ARL15: variants seen among roughly 807,000 people sequenced by gnomAD.
The protein encoded by ARL15 is ADP-ribosylation factor-like protein 15.
ARL15 carries 19 observed loss-of-function variants against 25.2 expected under a neutral mutation model. The observed-to-expected ratio is 0.75, with a 90% CI of 0.53 to 1.10. The LOEUF (loss-of-function observed/expected upper bound fraction) is 1.10. Among genes scored for constraint, ARL15 ranks in the 50% least tolerant of loss-of-function variants. The pLI is 0.00. For synonymous variants in ARL15, 94 were observed against 86.8 expected, an observed-to-expected ratio of 1.08 and a Z score of -0.46; for missense variants, 220 against 246.0, an observed-to-expected ratio of 0.89 and a Z score of 0.71.
chr5:54,237,458 T>C (rs796369719), intron 1 of ARL15, among the ~76,000 whole-genome samples: 11 of 152,236 alleles, frequency 7.2e-5, no homozygotes, highest in African/African-American at 2.2e-4. Flanking sequence ...ATTATCTTAA[T>C]AGAAACAGCA....
intron 1 of ARL15, among the ~76,000 whole-genome samples, chr5:54,192,293 C>T (rs1435962882): frequency 1.3e-5 from 2 of 151,162 alleles, no homozygotes; most frequent in African/African-American, 2.4e-5. Context: ...AAAATTGCAA[C>T]CTTTCCCACC....
At chr5:53,901,770 T>C (rs1446802956) in intron 4 of ARL15, among the ~76,000 whole-genome samples, 1 of 152,158 alleles carries the variant, frequency 6.6e-6, no homozygotes, top group Non-Finnish European at 1.5e-5. Flanking sequence ...GAAAAACAAC[T>C]CATGATTACC....
chr5:54,136,340 AAGG>A (rs1315540182), intron 3 of ARL15, among the ~76,000 whole-genome samples: 2 of 152,234 alleles, frequency 1.3e-5, no homozygotes, highest in East Asian at 1.9e-4. Context: ...TTCAAATTAT[AAGG>A]AGAATTCAAA....
intron 4 of ARL15, among the ~76,000 whole-genome samples, chr5:53,988,004 G>A (rs548486359): frequency 4.3e-4 from 65 of 152,110 alleles, no homozygotes; most frequent in Non-Finnish European, 7.6e-4. Context: ...TCCCGAGGCT[G>A]AGGCAGGAGA....
chr5:54,077,512 G>T (rs887186226), intron 4 of ARL15, among the ~76,000 whole-genome samples: 6 of 152,164 alleles, frequency 3.9e-5, no homozygotes, highest in Non-Finnish European at 8.8e-5. Context: ...AACAAGTGTT[G>T]AAAAGGTCTG....
At chr5:54,168,326 T>C (rs1754632525) in intron 2 of ARL15, among the ~76,000 whole-genome samples, 1 of 152,228 alleles carries the variant, frequency 6.6e-6, no homozygotes, top group South Asian at 2.1e-4. Context: ...GGATGTCTTG[T>C]CAAACCTCAA....
chr5:54,148,404 G>A (rs1337430162), intron 3 of ARL15, among the ~76,000 whole-genome samples: 2 of 152,260 alleles, frequency 1.3e-5, no homozygotes, highest in East Asian at 3.9e-4. Context: ...TTAAAAAAAT[G>A]GCTTAGCTGA....
At chr5:53,920,422 G>A (rs1405643999) in intron 4 of ARL15, among the ~76,000 whole-genome samples, 1 of 151,950 alleles carries the variant, frequency 6.6e-6, no homozygotes, top group Admixed American at 6.6e-5. Flanking sequence ...TGCTTTTATG[G>A]GTTCAGGATA....
rs151098503 is a variant in ARL15 at position 54,303,485 on chromosome 5, T to C, written c.48+6947A>G. On this transcript the variant is annotated intron_variant, in intron 1 of 4. Coordinates refer to ENST00000504924, the MANE Select transcript of ARL15 (RefSeq NM_019087.3). ...GAGATCAAGCCACTGCACTCCAGCT[T>C]GGATGACAGAGTGAGACCCTGTCAA... Among the ~76,000 whole-genome samples, 1,138 of 151,986 alleles carry C rather than the reference T, an allele frequency of 7.5e-3. 9 individuals carry two copies. The highest frequency in any genetic ancestry group is 0.026 in the African/African-American group (1,083 of 41,428).
At chr5:54,187,670 CCTATT>C (rs1208048840) in intron 1 of ARL15, among the ~76,000 whole-genome samples, 11 of 152,190 alleles carry the variant, frequency 7.2e-5, no homozygotes, top group Non-Finnish European at 1.5e-5. Flanking sequence ...ACTCAGCTCT[CCTATT>C]CTACATGTAT....
At position 53,984,494 on chromosome 5, in the gene ARL15, G is replaced by GA. The variant is rs564208583; in HGVS notation, c.463-97782dup. Among the ~76,000 whole-genome samples, 354 of 152,048 alleles carry GA rather than the reference G, an allele frequency of 2.3e-3. 2 individuals carry two copies. Among genetic ancestry groups the GA allele is most frequent in the African/African-American group, 8.3e-3 (344 of 41,464 alleles). On this transcript the variant is annotated intron_variant, in intron 4 of 4. Coordinates refer to ENST00000504924, the MANE Select transcript of ARL15 (RefSeq NM_019087.3). Reference sequence around the variant, plus strand: ...CCACGGGCTTGAGAATAATGGTAATGAAAAAAACCTCTTTTGAGGCCCCAA... The same window carrying GA: ...CCACGGGCTTGAGAATAATGGTAATGAAAAAAAACCTCTTTTGAGGCCCCAA...
At chr5:53,935,614 T>A (rs1306478255) in intron 4 of ARL15, among the ~76,000 whole-genome samples, 1 of 152,242 alleles carries the variant, frequency 6.6e-6, no homozygotes. Context: ...TTCAAGGTTT[T>A]CTGGATTCCT....
chr5:53,928,590 T>C (rs950632814), intron 4 of ARL15, among the ~76,000 whole-genome samples: 1 of 152,336 alleles, frequency 6.6e-6, no homozygotes, highest in African/African-American at 2.4e-5. Context: ...CTACAAATTA[T>C]ATTGATATCC....
At chr5:54,089,417 GA>G (rs1172640817) in intron 4 of ARL15, among the ~76,000 whole-genome samples, 5 of 151,920 alleles carry the variant, frequency 3.3e-5, no homozygotes, top group Non-Finnish European at 7.4e-5. Context: ...CTATTAATAG[GA>G]AAAAAATCAC....
intron 1 of ARL15, among the ~76,000 whole-genome samples, chr5:54,196,638 G>A (rs947406841): frequency 4.6e-5 from 7 of 151,762 alleles, no homozygotes; most frequent in Admixed American, 6.6e-5. Flanking sequence ...TTCTGTTCTC[G>A]GTGTGGGTAG....
chr5:54,178,990 T>G (rs557824223), intron 1 of ARL15, among the ~76,000 whole-genome samples: 2 of 152,292 alleles, frequency 1.3e-5, no homozygotes, highest in African/African-American at 4.8e-5. Flanking sequence ...GACTTATGGG[T>G]ATTAATTCAT....
At chr5:54,279,968 A>G (rs1331828720) in intron 1 of ARL15, among the ~76,000 whole-genome samples, 1 of 152,200 alleles carries the variant, frequency 6.6e-6, no homozygotes, top group Non-Finnish European at 1.5e-5. Context: ...TCGTGCAGAA[A>G]TTGTGTTTCT....
At chr5:54,303,704 GAGGAGGAGAGGAAAAAAAGAAGAAAA>G (rs1352689919) in intron 1 of ARL15, among the ~76,000 whole-genome samples, 7 of 141,038 alleles carry the variant, frequency 5.0e-5, no homozygotes, top group Middle Eastern at 3.6e-3. Context: ...AAAGAAGAAA[GAGGAGGAGAGGAAAAAAAGAAGAAAA>G]AGGAGAGGGG....
chr5:54,171,938 G>A lies in ARL15; in HGVS notation c.49-10C>T, dbSNP rs1391385466. The A allele has an allele frequency of 1.2e-5, 19 of 1,600,238 alleles. No individual in the cohort carries two copies. Among genetic ancestry groups the A allele is most frequent in the Admixed American group, 1.0e-4 (6 of 57,810 alleles). On this transcript the variant is annotated splice_polypyrimidine_tract_variant and intron_variant, in intron 1 of 4. Coordinates refer to ENST00000504924, the MANE Select transcript of ARL15 (RefSeq NM_019087.3). ...AAAGTGCTCTAAAACACTGCCAAAA[G>A]AAGGGGAAAAAAATGTTCCTTTAAA...
Sources: gnomAD v4.1 joint callset for allele counts (sites outside exome capture counted in the v4.1 genomes callset) on GRCh38, gnomAD v4.1.1 for gene constraint, MANE v1.5 for transcripts, NCBI Gene and HGNC (gene_info 2026-07-23, HGNC 2026-07-21) for gene names.